Variants in CLOCK observed in about 807,000 individuals in gnomAD.
CLOCK encodes the protein circadian locomoter output cycles protein kaput.
In CLOCK, 43 loss-of-function variants were observed where a neutral mutation model predicts 118.4. The ratio of observed to expected loss-of-function variants is 0.36; its 90% CI spans 0.28 to 0.47. The LOEUF is 0.47. Among genes scored for constraint, CLOCK ranks in the 20% least tolerant of loss-of-function variants. The pLI, the probability that CLOCK is intolerant of heterozygous loss-of-function variation, is 1.00. For missense variants in CLOCK, 846 were observed against 999.9 expected (o/e 0.85, Z 2.08); for synonymous variants, 326 against 339.2 (o/e 0.96, Z 0.43).
rs1724272922 is a variant in CLOCK, at chr4:55,449,963, T to C, written c.1348+128A>G. The C allele has an allele frequency of 2.6e-6, 3 of 1,159,324 alleles. No individual in the cohort carries two copies. In the Admixed American group the frequency reaches 6.3e-5, roughly 24 times the overall value. The allele number at this position is 1,159,324 out of a possible 1,614,324, so 71.8% of individuals were successfully genotyped here. A position where few individuals can be genotyped will look rare whatever the true frequency, so the allele number is the denominator to read the frequency against. ...ATGTCCCTTTAACTCACTGGAAAGG[T>C]TACTACATTTCAGAAATGTAAAAAC... On this transcript the variant is annotated intron_variant, in intron 16 of 22. Coordinates refer to ENST00000513440, the MANE Select transcript of CLOCK (RefSeq NM_004898.4).
intron 1 of CLOCK, among the ~76,000 whole-genome samples, chr4:55,531,382 G>A (rs1730534341): frequency 6.7e-6 from 1 of 150,230 alleles, no homozygotes; most frequent in Non-Finnish European, 1.5e-5. Flanking sequence ...AGCCTAGGAG[G>A]CTTTACTGGA....
At chr4:55,486,213 C>T (rs1727287087) in intron 3 of CLOCK, among the ~76,000 whole-genome samples, 1 of 152,116 alleles carries the variant, frequency 6.6e-6, no homozygotes, top group South Asian at 2.1e-4. Flanking sequence ...CTAGAGTTAC[C>T]ATTTTGTTGT....
At chr4:55,492,235 C>T (rs1278148210) in intron 2 of CLOCK, among the ~76,000 whole-genome samples, 2 of 151,860 alleles carry the variant, frequency 1.3e-5, no homozygotes, top group Non-Finnish European at 2.9e-5. Flanking sequence ...CAAGGTTCAA[C>T]ATATATTAAT....
At chr4:55,522,573 T>C (rs1029219322) in intron 1 of CLOCK, among the ~76,000 whole-genome samples, 16 of 151,838 alleles carry the variant, frequency 1.1e-4, no homozygotes, top group Admixed American at 8.5e-4. Context: ...ACAGAATAAG[T>C]AGTTGGAAAA....
chr4:55,546,183 C>G (rs968104487), intron 1 of CLOCK, among the ~76,000 whole-genome samples: 6 of 152,176 alleles, frequency 3.9e-5, no homozygotes, highest in Non-Finnish European at 8.8e-5. Flanking sequence ...AAAGCTCTCT[C>G]GGCACCCGGT....
chr4:55,504,958 G>A (rs1728704580), intron 2 of CLOCK, among the ~76,000 whole-genome samples: 1 of 152,126 alleles, frequency 6.6e-6, no homozygotes, highest in Non-Finnish European at 1.5e-5. Context: ...GCCAAGGAAG[G>A]CGGATCATGA....
intron 1 of CLOCK, among the ~76,000 whole-genome samples, chr4:55,533,011 TG>T (rs951196776): frequency 3.3e-5 from 5 of 152,298 alleles, no homozygotes; most frequent in Admixed American, 2.0e-4. Flanking sequence ...GTTTTTAAAC[TG>T]AAAGAGTTAA....
At chr4:55,498,127 T>C (rs1728201731) in intron 2 of CLOCK, among the ~76,000 whole-genome samples, 1 of 152,234 alleles carries the variant, frequency 6.6e-6, no homozygotes, top group South Asian at 2.1e-4. Context: ...ATACAACTAA[T>C]ATGTATAAAT....
intron 1 of CLOCK, among the ~76,000 whole-genome samples, chr4:55,523,617 T>C (rs900172583): frequency 6.6e-6 from 1 of 152,214 alleles, no homozygotes; most frequent in Admixed American, 6.5e-5. Flanking sequence ...TGATCATCCA[T>C]GCACGAATCT....
chr4:55,483,605 T>C (rs1257416840), intron 3 of CLOCK, among the ~76,000 whole-genome samples: 1 of 151,978 alleles, frequency 6.6e-6, no homozygotes, highest in Non-Finnish European at 1.5e-5. Flanking sequence ...AGATAATAGG[T>C]GAAAGAATTT....
At chr4:55,503,978 T>TAAAAGAAAAAAG (rs1553900254) in intron 2 of CLOCK, among the ~76,000 whole-genome samples, 1 of 71,148 alleles carries the variant, frequency 1.4e-5, no homozygotes, top group African/African-American at 5.1e-5. Flanking sequence ...CAAAAAGAGG[T>TAAAAGAAAAAAG]AAAAAAAAAA....
At chr4:55,437,680 G>A (rs1045366335) in intron 22 of CLOCK, among the ~76,000 whole-genome samples, 2 of 152,120 alleles carry the variant, frequency 1.3e-5, no homozygotes, top group Non-Finnish European at 2.9e-5. Context: ...TACACGTGAC[G>A]TTTACCAAGA....
At chr4:55,475,199 T>A (rs750195175) in intron 7 of CLOCK, among the ~76,000 whole-genome samples, 21 of 152,292 alleles carry the variant, frequency 1.4e-4, no homozygotes, top group Middle Eastern at 3.4e-3. Context: ...GGGTTCAAGA[T>A]GTCAGTGAAG....
intron 2 of CLOCK, among the ~76,000 whole-genome samples, chr4:55,497,761 G>A (rs962267346): frequency 2.6e-5 from 4 of 152,116 alleles, no homozygotes; most frequent in Non-Finnish European, 5.9e-5. Flanking sequence ...TCTTCTGAAC[G>A]GAAAAATCTG....
chr4:55,512,116 T>C (rs1446290059), intron 1 of CLOCK, among the ~76,000 whole-genome samples: 1 of 152,074 alleles, frequency 6.6e-6, no homozygotes, highest in Non-Finnish European at 1.5e-5. Flanking sequence ...CTTTGGTTGC[T>C]AGATCATATG....
Position 55,434,897 on chromosome 4 carries a change from C to T in CLOCK, c.*518G>A. The T allele has an allele frequency of 5.8e-6, 1 of 173,808 alleles. No individual in the cohort carries two copies. The highest frequency in any genetic ancestry group is 1.4e-4 in the South Asian group (1 of 7,116). The allele number at this position is 173,808 out of a possible 1,614,324, so 10.8% of individuals were successfully genotyped here. On this transcript the variant is annotated 3_prime_UTR_variant, in exon 23 of 23. Coordinates refer to ENST00000513440, the MANE Select transcript of CLOCK (RefSeq NM_004898.4). The stretch of plus-strand genomic sequence containing the variant: ...TGTACATAGAGAATTTGAACCCACA[C>T]AACATTCTGAAAGTAATTACTGTTC...
At chr4:55,455,702 T>G (rs563883516) in intron 13 of CLOCK, among the ~76,000 whole-genome samples, 195 bp downstream of exon 13, 1 of 152,204 alleles carries the variant, frequency 6.6e-6, no homozygotes, top group Non-Finnish European at 1.5e-5. Flanking sequence ...ATTCTACTTA[T>G]TATAAAAATA....
In CLOCK at chr4:55,429,594, T is replaced by C. The variant is rs1222747294; in HGVS notation, c.*5821A>G. The C allele has an allele frequency of 6.6e-6, 1 of 152,232 alleles. No individual in the cohort carries two copies. Among genetic ancestry groups the C allele is most frequent in the African/African-American group, 2.4e-5 (1 of 41,440 alleles). 9.4% of individuals were successfully genotyped at this position (152,232 alleles called of 1,614,324 possible). On this transcript the variant is annotated 3_prime_UTR_variant, in exon 23 of 23. Transcript: ENST00000513440. ...GCCAAATTTAAGAACTTTAAATGGA[T>C]TTTAATATGGATATGATAATGACAG...
Position 55,433,913 on chromosome 4 carries a change from A to AT in CLOCK, c.*1501dup, listed in dbSNP as rs1722685333. ...TTCTTTGTAGGAATATCAAGATCAT[A>AT]TTGAGCAAATATTTCTGGTAAATTC... On this transcript the variant is annotated 3_prime_UTR_variant, in exon 23 of 23. Coordinates refer to ENST00000513440, the MANE Select transcript of CLOCK (RefSeq NM_004898.4). 1 of 152,216 alleles carries AT rather than the reference A, an allele frequency of 6.6e-6. No homozygotes were observed. Among genetic ancestry groups the AT allele is most frequent in the Non-Finnish European group, 1.5e-5 (1 of 68,028 alleles). The allele number at this position is 152,216 out of a possible 1,614,324, so 9.4% of individuals were successfully genotyped here. A position where few individuals can be genotyped will look rare whatever the true frequency, so the allele number is the denominator to read the frequency against.
Sources: gnomAD v4.1 joint callset for allele counts (sites outside exome capture counted in the v4.1 genomes callset) on GRCh38, gnomAD v4.1.1 for gene constraint, MANE v1.5 for transcripts, NCBI Gene and HGNC (gene_info 2026-07-23, HGNC 2026-07-21) for gene names.